GRM7: variants seen among roughly 807,000 people sequenced by gnomAD.
GRM7 encodes the protein glutamate metabotropic receptor 7.
GRM7 carries 35 observed loss-of-function variants against 84.5 expected under a neutral mutation model. The ratio of observed to expected loss-of-function variants is 0.41; its 90% CI spans 0.32 to 0.55. GRM7 has a LOEUF of 0.55. Among genes scored for constraint, GRM7 ranks in the 20% least tolerant of loss-of-function variants. The probability of loss-of-function intolerance (pLI) is 0.19; values close to 1 mark genes in which losing one functional copy is unlikely to be tolerated. For synonymous variants in GRM7, 487 were observed against 455.1 expected, an observed-to-expected ratio of 1.07 and a Z score of -0.89; for missense variants, 1,003 against 1,194.6, an observed-to-expected ratio of 0.84 and a Z score of 2.36.
At chr3:7,459,812 G>T (rs1348837302) in intron 6 of GRM7, among the ~76,000 whole-genome samples, 1 of 151,998 alleles carries the variant, frequency 6.6e-6, no homozygotes, top group Non-Finnish European at 1.5e-5. Flanking sequence ...TGACAGAGTT[G>T]GATTTGTTAA....
intron 6 of GRM7, among the ~76,000 whole-genome samples, chr3:7,453,626 G>A (rs1278487254): frequency 6.6e-6 from 1 of 152,104 alleles, no homozygotes; most frequent in African/African-American, 2.4e-5. Context: ...GGGATTTGGG[G>A]TGTGCTGGCC....
intron 2 of GRM7, among the ~76,000 whole-genome samples, chr3:7,251,470 C>T (rs1406876922): frequency 1.3e-5 from 2 of 152,006 alleles, no homozygotes; most frequent in Non-Finnish European, 2.9e-5. Flanking sequence ...CATAAAAATA[C>T]AAAATGCCAT....
intron 1 of GRM7, chr3:6,956,674 T>C (rs1693068468): frequency 4.4e-6 from 2 of 454,946 alleles, no homozygotes; most frequent in African/African-American, 2.0e-5. Flanking sequence ...ACTGCTCACA[T>C]GAATCTCTCG....
chr3:7,307,702 G>T (rs922767382), intron 4 of GRM7, among the ~76,000 whole-genome samples: 1 of 152,182 alleles, frequency 6.6e-6, no homozygotes, highest in Non-Finnish European at 1.5e-5. Flanking sequence ...AGAAAAGATT[G>T]CCTATCTTAC....
chr3:7,282,258 A>C (rs967217166), intron 2 of GRM7, among the ~76,000 whole-genome samples: 5 of 152,214 alleles, frequency 3.3e-5, no homozygotes, highest in African/African-American at 1.2e-4. Context: ...ATCTTACTAT[A>C]CTGGAGGTTA....
intron 4 of GRM7, among the ~76,000 whole-genome samples, chr3:7,312,864 C>G (rs765503922): frequency 6.6e-6 from 1 of 152,044 alleles, no homozygotes; most frequent in Non-Finnish European, 1.5e-5. Flanking sequence ...ATTGTCCCAG[C>G]CAAACCAGGG....
At chr3:7,544,537 G>A (rs193295218) in intron 7 of GRM7, among the ~76,000 whole-genome samples, 1 of 152,230 alleles carries the variant, frequency 6.6e-6, no homozygotes, top group Admixed American at 6.5e-5. Flanking sequence ...TCCCAGCCTG[G>A]CTAAGCCCTA....
intron 7 of GRM7, among the ~76,000 whole-genome samples, chr3:7,474,739 T>C (rs1698849552): frequency 6.6e-6 from 1 of 152,144 alleles, no homozygotes; most frequent in African/African-American, 2.4e-5. Flanking sequence ...ATTTTGAATG[T>C]CATGATGTCA....
chr3:7,658,936 A>C (rs1699316831), intron 8 of GRM7, among the ~76,000 whole-genome samples: 1 of 152,350 alleles, frequency 6.6e-6, no homozygotes, highest in Admixed American at 6.5e-5. Context: ...ATTTTACATA[A>C]ATATAATATT....
At chr3:6,866,812 G>C (rs546930247) in intron 1 of GRM7, among the ~76,000 whole-genome samples, 37 of 152,320 alleles carry the variant, frequency 2.4e-4, no homozygotes, top group African/African-American at 8.7e-4. Context: ...TACGTGGCCA[G>C]GTCAAATGAA....
intron 7 of GRM7, among the ~76,000 whole-genome samples, chr3:7,465,304 G>A (rs1011579414): frequency 3.3e-5 from 5 of 152,280 alleles, no homozygotes; most frequent in African/African-American, 9.6e-5. Context: ...CATTTTTAGG[G>A]GGAAAAGAGG....
chr3:7,172,186 C>T (rs907361632), intron 2 of GRM7, among the ~76,000 whole-genome samples: 2 of 152,186 alleles, frequency 1.3e-5, no homozygotes, highest in Middle Eastern at 6.8e-3. Context: ...ATGAGATGCC[C>T]TCTGGGGTTT....
intron 1 of GRM7, among the ~76,000 whole-genome samples, chr3:7,063,142 G>A (rs188400422): frequency 5.9e-5 from 9 of 151,788 alleles, no homozygotes; most frequent in Admixed American, 3.3e-4. Flanking sequence ...TAATGTTAAA[G>A]ATACTCCCTG....
chr3:7,025,152 T>G (rs1695934561), intron 1 of GRM7, among the ~76,000 whole-genome samples: 1 of 152,174 alleles, frequency 6.6e-6, no homozygotes, highest in Non-Finnish European at 1.5e-5. Flanking sequence ...TGCCTCACTT[T>G]TCCACTTAAG....
intron 8 of GRM7, among the ~76,000 whole-genome samples, chr3:7,610,598 G>T (rs1286162498): frequency 6.6e-6 from 1 of 152,120 alleles, no homozygotes; most frequent in African/African-American, 2.4e-5. Context: ...CTAACAAAAA[G>T]AAGTACACCA....
At chr3:6,875,844 A>C (rs545351218) in intron 1 of GRM7, among the ~76,000 whole-genome samples, 6 of 152,140 alleles carry the variant, frequency 3.9e-5, no homozygotes, top group African/African-American at 1.2e-4. Context: ...TTTTTGCAGA[A>C]CTCATTAATT....
Position 7,578,453 on chromosome 3 carries a change from G to T in GRM7, c.1547G>T (p.Arg516Leu). ...GACATGCAGTGGGGTAAAGGAGTCCGAGAGATACCCGCCTCAGTGTGCACA... is the reference window on the plus strand; with the variant it reads ...GACATGCAGTGGGGTAAAGGAGTCCTAGAGATACCCGCCTCAGTGTGCACA... The part of the protein sequence containing the change: ...IEDMQWGKGV[R>L]EIPASVCTLP... Residue 516 changes from arginine (R) to leucine (L), a missense_variant, in exon 8 of 10, where the codon CGA (arginine) becomes CTA (leucine). Around this residue, in one of 2 missense-constraint regions of GRM7, gnomAD observed 910 missense variants for 1,126.0 expected, o/e 0.81. Coordinates refer to ENST00000357716, the MANE Select transcript of GRM7 (RefSeq NM_000844.4). 6.2e-7 allele frequency: 1 copy of T among 1,613,174 alleles called. No individual in the cohort carries two copies. Among genetic ancestry groups the T allele is most frequent in the African/African-American group, 1.3e-5 (1 of 74,968 alleles).
At chr3:7,138,694 A>C (rs1693847924) in intron 1 of GRM7, among the ~76,000 whole-genome samples, 2 of 151,844 alleles carry the variant, frequency 1.3e-5, no homozygotes, top group South Asian at 4.1e-4. Flanking sequence ...ATTTCTTTAA[A>C]TCAGCAAAAG....
At chr3:7,184,607 T>C (rs1389587396) in intron 2 of GRM7, among the ~76,000 whole-genome samples, 1 of 152,158 alleles carries the variant, frequency 6.6e-6, no homozygotes, top group Non-Finnish European at 1.5e-5. Flanking sequence ...TCTCCATGAA[T>C]GTGTCATGGT....
Sources: allele counts gnomAD v4.1 joint callset (sites outside exome capture counted in the v4.1 genomes callset), GRCh38; gene constraint gnomAD v4.1.1; regional missense constraint gnomAD v4.1.1; transcripts MANE v1.5; gene names NCBI Gene and HGNC (gene_info 2026-07-23, HGNC 2026-07-21).